Variants in SSPN observed in about 807,000 individuals in gnomAD.
SSPN encodes K-ras oncogene-associated protein.
SSPN carries 15 observed loss-of-function variants against 19.1 expected under a neutral mutation model. The ratio of observed to expected loss-of-function variants is 0.78; its 90% CI spans 0.52 to 1.21. SSPN has a LOEUF of 1.21. Ranked by LOEUF, SSPN falls within the 50% of genes most tolerant of loss-of-function variation. The pLI, the probability that SSPN is intolerant of heterozygous loss-of-function variation, is 0.00. For missense variants in SSPN, 291 were observed against 314.0 expected, an observed-to-expected ratio of 0.93 and a Z score of 0.55; for synonymous variants, 147 against 140.3, an observed-to-expected ratio of 1.05 and a Z score of -0.34.
At chr12:26,150,378 T>G (rs1485942036) in intron 1 of SSPN, among the ~76,000 whole-genome samples, 1 of 152,224 alleles carries the variant, frequency 6.6e-6, no homozygotes, top group African/African-American at 2.4e-5. Flanking sequence ...TCCTCACATT[T>G]CAGTCTCTTA....
upstream of SSPN, among the ~76,000 whole-genome samples, chr12:26,194,673 C>G (rs1051708596): frequency 2.0e-5 from 3 of 152,188 alleles, no homozygotes; most frequent in Non-Finnish European, 2.9e-5. Flanking sequence ...CGTGAGCCAA[C>G]AGAGCTTTTA....
chr12:26,181,621 A>G (rs1944719087), intron 1 of SSPN, among the ~76,000 whole-genome samples: 1 of 152,242 alleles, frequency 6.6e-6, no homozygotes, highest in African/African-American at 2.4e-5. Context: ...GACACCAATT[A>G]TGAATCAAAG....
intron 1 of SSPN, among the ~76,000 whole-genome samples, chr12:26,158,712 A>G (rs1944570213): frequency 6.6e-6 from 1 of 152,268 alleles, no homozygotes; most frequent in African/African-American, 2.4e-5. Flanking sequence ...CTGCTCCTGC[A>G]GCAGACCCCT....
intron 1 of SSPN, among the ~76,000 whole-genome samples, chr12:26,199,950 T>C (rs950962919): frequency 6.6e-6 from 1 of 152,248 alleles, no homozygotes; most frequent in Non-Finnish European, 1.5e-5. Context: ...TTAAGATCCA[T>C]TTACCTTTCA....
At chr12:26,215,130 T>C (rs1159566874) in intron 1 of SSPN, among the ~76,000 whole-genome samples, 3 of 152,218 alleles carry the variant, frequency 2.0e-5, no homozygotes, top group Non-Finnish European at 4.4e-5. Context: ...TATCTTCTTC[T>C]TTATACTCCC....
chr12:26,206,705 T>C (rs1422971933), intron 1 of SSPN, among the ~76,000 whole-genome samples: 2 of 152,154 alleles, frequency 1.3e-5, no homozygotes, highest in Non-Finnish European at 2.9e-5. Context: ...AAACTATAGG[T>C]TGTTTATTTC....
intron 1 of SSPN, chr12:26,124,026 T>C: frequency 7.7e-7 from 1 of 1,292,704 alleles, no homozygotes; most frequent in African/African-American, 1.5e-5. Flanking sequence ...ACCAGACTAT[T>C]AACACGCCCT....
At chr12:26,133,293 A>G (rs549817412) in intron 1 of SSPN, among the ~76,000 whole-genome samples, 1 of 152,100 alleles carries the variant, frequency 6.6e-6, no homozygotes, top group East Asian at 1.9e-4. Context: ...ATCATTCTCA[A>G]CCCCTTCATC....
At chr12:26,201,039 ATATATATTATATATATATATT>A in intron 1 of SSPN, among the ~76,000 whole-genome samples, 1 of 57,454 alleles carries the variant, frequency 1.7e-5, no homozygotes, top group East Asian at 9.6e-4. Flanking sequence ...ATATATATAT[ATATATATTATATATATATATT>A]TGGAAATAAA....
chr12:26,186,421 A>G lies in SSPN; in HGVS notation c.-30-37872A>G, dbSNP rs143992997. 5.3e-5 allele frequency among the ~76,000 whole-genome samples: 8 copies of G among 152,376 alleles called. No homozygotes were observed. In the East Asian group the frequency reaches 1.5e-3, roughly 29 times the overall value. On this transcript the variant is annotated intron_variant, in intron 1 of 2. Coordinates refer to the SSPN transcript ENST00000538142. ...CAGCTAAAAGTGGTACCGATTCTTA[A>G]AAGGCACCTGGCATTTCCTCATATG...
chr12:26,176,213 C>T (rs576290282), intron 1 of SSPN, among the ~76,000 whole-genome samples: 20 of 152,324 alleles, frequency 1.3e-4, no homozygotes, highest in African/African-American at 4.6e-4. Context: ...CTGTCTGTCT[C>T]TCTTCACGTA....
intron 1 of SSPN, chr12:26,123,579 G>A (rs1411748572): frequency 1.5e-6 from 2 of 1,326,036 alleles, no homozygotes; most frequent in East Asian, 2.3e-5. Context: ...CTGCTCCCCT[G>A]TGGGCTGCCC....
upstream of SSPN, chr12:26,195,549 G>A (rs1327900848): frequency 7.8e-7 from 1 of 1,284,866 alleles, no homozygotes; most frequent in Admixed American, 4.2e-5. Flanking sequence ...GGCTCCAAAT[G>A]TTTTCCATAT....
At chr12:26,171,131 TGTCCTCTA>T (rs1944651349) in intron 1 of SSPN, among the ~76,000 whole-genome samples, 3 of 152,218 alleles carry the variant, frequency 2.0e-5, no homozygotes, top group Middle Eastern at 3.2e-3. Context: ...CTCTCCTTCA[TGTCCTCTA>T]GAATACAGAG....
intron 1 of SSPN, among the ~76,000 whole-genome samples, chr12:26,160,353 T>C (rs1006277476): frequency 6.6e-6 from 1 of 152,400 alleles, no homozygotes; most frequent in East Asian, 1.9e-4. Flanking sequence ...TGCTCTTAAA[T>C]GGGCTTCCAA....
At chr12:26,167,654 G>T (rs7978769) in intron 1 of SSPN, among the ~76,000 whole-genome samples, 1 of 152,028 alleles carries the variant, frequency 6.6e-6, no homozygotes, top group African/African-American at 2.4e-5. Context: ...TGCGTAGACC[G>T]CAACTCTCTC....
rs1210516245 is a variant in SSPN, at chr12:26,122,300, A to T, written c.-31+148A>T. ...AGGGGAACGCGGCGGCGGCGGCGGCAGCGGCGGCGGCGGCTGCCGCGGCTG... is the reference window on the plus strand; with the variant it reads ...AGGGGAACGCGGCGGCGGCGGCGGCTGCGGCGGCGGCGGCTGCCGCGGCTG... On this transcript the variant is annotated intron_variant, in intron 1 of 2. Coordinates refer to the SSPN transcript ENST00000538142. 1.0e-5 allele frequency: 12 copies of T among 1,163,592 alleles called. No homozygotes were observed. The African/African-American group carries it at 2.0e-4, about 20-fold the overall frequency. The allele number at this position is 1,163,592 out of a possible 1,614,324, so 72.1% of individuals were successfully genotyped here. A position where few individuals can be genotyped will look rare whatever the true frequency, so the allele number is the denominator to read the frequency against.
At chr12:26,157,216 T>A (rs1441286093) in intron 1 of SSPN, among the ~76,000 whole-genome samples, 1 of 152,248 alleles carries the variant, frequency 6.6e-6, no homozygotes, top group Non-Finnish European at 1.5e-5. Flanking sequence ...TGGCTAATAA[T>A]TAACAAAAGC....
chr12:26,215,312 T>C (rs1945035629), intron 1 of SSPN, among the ~76,000 whole-genome samples: 1 of 152,220 alleles, frequency 6.6e-6, no homozygotes, highest in Non-Finnish European at 1.5e-5. Flanking sequence ...TCTGTATCTT[T>C]ATACAGATTC....
Sources: gnomAD v4.1 joint callset for allele counts (sites outside exome capture counted in the v4.1 genomes callset) on GRCh38, gnomAD v4.1.1 for gene constraint, MANE v1.5 for transcripts, NCBI Gene and HGNC (gene_info 2026-07-23, HGNC 2026-07-21) for gene names.